The following FAM149A variants were observed in gnomAD, a reference collection of about 807,000 sequenced individuals.
FAM149A encodes protein FAM149A.
A neutral mutation model predicts 78.2 loss-of-function variants in FAM149A; 71 were observed. The ratio of observed to expected loss-of-function variants is 0.91; its 90% CI spans 0.75 to 1.11. The LOEUF (loss-of-function observed/expected upper bound fraction) is 1.11, where lower values mean the gene tolerates loss of function less well. Ranked by LOEUF, FAM149A falls within the 50% of genes least tolerant of loss-of-function variation. FAM149A has a pLI of 0.00. For missense variants in FAM149A, 1,036 were observed against 971.0 expected (o/e 1.07, Z -0.89); for synonymous variants, 446 against 410.5 (o/e 1.09, Z -1.04).
intron 1 of FAM149A, among the ~76,000 whole-genome samples, chr4:186,121,214 G>A (rs2099315939): frequency 6.6e-6 from 1 of 152,106 alleles, no homozygotes; most frequent in African/African-American, 2.4e-5. Flanking sequence ...TAGAAAAAAT[G>A]GAGAAGCAAT....
chr4:186,123,499 C>A, intron 1 of FAM149A: 2 of 479,810 alleles, frequency 4.2e-6, no homozygotes, highest in Non-Finnish European at 5.4e-6. Flanking sequence ...TCCAGGGTTG[C>A]ATTTTCAATG....
intron 1 of FAM149A, among the ~76,000 whole-genome samples, chr4:186,119,080 C>CAAG (rs2099314917): frequency 6.6e-6 from 1 of 152,190 alleles, no homozygotes; most frequent in Non-Finnish European, 1.5e-5. Context: ...GGACACTCTT[C>CAAG]CCTCATGGGT....
At chr4:186,122,273 A>G (rs1009005214) in intron 1 of FAM149A, among the ~76,000 whole-genome samples, 4 of 152,236 alleles carry the variant, frequency 2.6e-5, no homozygotes, top group African/African-American at 9.6e-5. Context: ...TTTTCTTTCT[A>G]TATGAAAATA....
chr4:186,156,133 A>G lies in FAM149A; in HGVS notation c.1363A>G (p.Asn455Asp). Residue 455 changes from asparagine to aspartate, a missense_variant, in exon 7 of 14, where the codon AAT (asparagine) becomes GAT (aspartate). By Grantham distance (23) the Asn-to-Asp change is conservative. Coordinates refer to ENST00000389354, the MANE Select transcript of FAM149A (RefSeq NM_001367768.3). ...AGAAGTGTTTGATCACGTCTGGACA[A>G]ATATGGTAGAACTTTTGGAAGAGCT... 1 of 1,613,578 alleles carries G rather than the reference A, an allele frequency of 6.2e-7. No individual in the cohort carries two copies.
Position 186,144,831 on chromosome 4 carries a change from CGCGGGCGGG to C in FAM149A, c.567-4337_567-4329del. 1 of 981,430 alleles carries C rather than the reference CGCGGGCGGG, an allele frequency of 1.0e-6. No individual in the cohort carries two copies. The highest frequency in any genetic ancestry group is 1.2e-6 in the Non-Finnish European group (1 of 828,618). 60.8% of individuals were successfully genotyped at this position (981,430 alleles called of 1,614,324 possible). A position where few individuals can be genotyped will look rare whatever the true frequency, so the allele number is the denominator to read the frequency against. ...GGAGGAGGAGGGGAGGCGGCGCCGG[CGCGGGCGGG>C]GCGGAGGATCTGGAGAGGGAAGGGG... On this transcript the variant is annotated intron_variant, in intron 1 of 13. Coordinates refer to ENST00000389354, the MANE Select transcript of FAM149A (RefSeq NM_001367768.3). This position sits in a 1 kb window ranked among gnomAD's most constrained non-coding sequence, Gnocchi z 4.2.
intron 8 of FAM149A, chr4:186,160,820 C>CA: frequency 1.0e-6 from 1 of 985,200 alleles, no homozygotes; most frequent in Non-Finnish European, 1.2e-6. Flanking sequence ...ACATGGGAGA[C>CA]AGTCTAGCTG....
In FAM149A at chr4:186,115,457, G is replaced by A. The variant is rs750414444; in HGVS notation, c.566+9815G>A. ...TGGTGAGGAACTGCGTTCCTTTGGA[G>A]GAGGAGAGGCGCTCTGCGTTTTAGA... On this transcript the variant is annotated intron_variant, in intron 1 of 13. Transcript: ENST00000389354. 9.3e-3 allele frequency among the ~76,000 whole-genome samples: 1,302 copies of A among 139,742 alleles called. 5 individuals are homozygous for A. Among genetic ancestry groups the A allele is most frequent in the Non-Finnish European group, 0.015 (987 of 64,444 alleles). The allele number at this position is 139,742 out of a possible 152,430, so 91.7% of individuals were successfully genotyped here.
intron 6 of FAM149A, chr4:186,154,966 T>C (rs958102542): frequency 3.5e-6 from 3 of 867,978 alleles, no homozygotes; most frequent in Non-Finnish European, 4.1e-6. Flanking sequence ...CGTATTTTGT[T>C]CTTTTTTTTT....
chr4:186,165,519 C>T, intron 11 of FAM149A, 55 bp downstream of exon 11: 1 of 1,582,274 alleles, frequency 6.3e-7, no homozygotes, highest in South Asian at 1.1e-5. Context: ...TATTGGAAAA[C>T]AAACAAAAAC....
intron 1 of FAM149A, among the ~76,000 whole-genome samples, chr4:186,126,382 T>G (rs1210468654): frequency 6.6e-6 from 1 of 152,174 alleles, no homozygotes; most frequent in Non-Finnish European, 1.5e-5. Context: ...TGATAAAACG[T>G]TGTTTTTGGA....
Position 186,149,218 on chromosome 4 carries a change from G to A in FAM149A, c.612G>A (p.Arg204=). 7.8e-7 allele frequency: 1 copy of A among 1,289,344 alleles called. No homozygotes were observed. The highest frequency in any genetic ancestry group is 1.0e-6 in the Non-Finnish European group (1 of 988,638). The allele number at this position is 1,289,344 out of a possible 1,614,324, so 79.9% of individuals were successfully genotyped here. The change falls in exon 2 of 14, where the codon AGG becomes AGA. Residue 204 remains arginine, a synonymous_variant. Coordinates refer to ENST00000389354, the MANE Select transcript of FAM149A (RefSeq NM_001367768.3). ...GTAGAAGGCACGGTTTTACTGTGAG[G>A]AGCAAAGATTCTTTACCTACGCATT...
chr4:186,123,232 T>G (rs1407029312), intron 1 of FAM149A: 2 of 985,342 alleles, frequency 2.0e-6, no homozygotes, highest in Non-Finnish European at 2.4e-6. Context: ...ATCTTATTTT[T>G]GCAAAATATG....
intron 6 of FAM149A, 157 bp downstream of exon 6, chr4:186,154,795 T>A: frequency 1.0e-6 from 1 of 985,410 alleles, no homozygotes; most frequent in Non-Finnish European, 1.2e-6. Context: ...AGCTTTTGGA[T>A]TCCTAGCCAG....
intron 1 of FAM149A, chr4:186,123,829 T>C (rs1511799): frequency 0.36 from 357,519 of 979,884 alleles, 66,517 homozygotes; most frequent in Admixed American, 0.4. Context: ...CGGTCCTTGA[T>C]AGCCAGCATA....
chr4:186,160,836 A>G (rs1734550672), intron 8 of FAM149A: 17 of 985,362 alleles, frequency 1.7e-5, no homozygotes, highest in Non-Finnish European at 1.9e-5. Flanking sequence ...AGCTGATAGC[A>G]GAGTGAAACT....
chr4:186,151,403 T>C (rs1733575125), intron 3 of FAM149A, among the ~76,000 whole-genome samples: 1 of 152,236 alleles, frequency 6.6e-6, no homozygotes, highest in Non-Finnish European at 1.5e-5. Flanking sequence ...CTAAGGATTT[T>C]TTTTTCCAGT....
chr4:186,106,143 A>T lies in FAM149A; in HGVS notation c.566+501A>T, dbSNP rs73873720. 2.9e-3 allele frequency among the ~76,000 whole-genome samples: 437 copies of T among 152,270 alleles called. 1 individual carries two copies. Among genetic ancestry groups the T allele is most frequent in the African/African-American group, 8.6e-3 (358 of 41,544 alleles). Reference sequence around the variant, plus strand: ...TTTGTGTGACATCTAGTTAATTTACATATGCATGACATCATCTGACACAAA... The same window carrying T: ...TTTGTGTGACATCTAGTTAATTTACTTATGCATGACATCATCTGACACAAA... On this transcript the variant is annotated intron_variant, in intron 1 of 13. Coordinates refer to ENST00000389354, the MANE Select transcript of FAM149A (RefSeq NM_001367768.3).
At chr4:186,153,346 A>C (rs919411914) in intron 4 of FAM149A, 4 of 939,706 alleles carry the variant, frequency 4.3e-6, no homozygotes, top group Non-Finnish European at 5.1e-6. Flanking sequence ...TGAGTCTGTC[A>C]TATATGATCT....
At chr4:186,130,293 C>CTCTCTCTCTCTCTCTCTCTATA in intron 1 of FAM149A, 147 of 46,542 alleles carry the variant, frequency 3.2e-3, no homozygotes, top group Admixed American at 0.011. Flanking sequence ...CTCTCTCTCT[C>CTCTCTCTCTCTCTCTCTCTATA]TATATATATA....
Sources: allele counts gnomAD v4.1 joint callset (sites outside exome capture counted in the v4.1 genomes callset), GRCh38; gene constraint gnomAD v4.1.1; non-coding constraint Gnocchi (gnomAD v3.1); transcripts MANE v1.5; gene names NCBI Gene and HGNC (gene_info 2026-07-23, HGNC 2026-07-21).